GRM1: variants seen among roughly 807,000 people sequenced by gnomAD.
GRM1 encodes glutamate metabotropic receptor 1.
GRM1 carries 33 observed loss-of-function variants against 90.9 expected under a neutral mutation model. That is an observed-to-expected ratio of 0.36 (90% CI 0.28 to 0.49). GRM1 has a LOEUF of 0.49. Among genes scored for constraint, GRM1 ranks in the 20% least tolerant of loss-of-function variants. The pLI, the probability that GRM1 is intolerant of heterozygous loss-of-function variation, is 0.99. For missense variants in GRM1, 1,190 were observed against 1,534.3 expected (o/e 0.78, Z 3.75); for synonymous variants, 700 against 613.2 (o/e 1.14, Z -2.09).
intron 7 of GRM1, among the ~76,000 whole-genome samples, chr6:146,429,327 G>A (rs573914634): frequency 6.6e-6 from 1 of 152,304 alleles, no homozygotes; most frequent in African/African-American, 2.4e-5. Flanking sequence ...TCAAAAAGGC[G>A]AGAAATTGTA....
intron 1 of GRM1, among the ~76,000 whole-genome samples, chr6:146,104,659 T>C (rs1012022947): frequency 6.6e-6 from 1 of 152,182 alleles, no homozygotes; most frequent in Non-Finnish European, 1.5e-5. Flanking sequence ...TCAACACTGT[T>C]ACATGCTCTA....
At chr6:146,060,617 A>G (rs565289524) in intron 1 of GRM1, among the ~76,000 whole-genome samples, 1 of 152,180 alleles carries the variant, frequency 6.6e-6, no homozygotes, top group Non-Finnish European at 1.5e-5. Context: ...TCCATGATGT[A>G]TATGTAACAC....
At chr6:146,394,244 C>G (rs1172624642) in intron 6 of GRM1, among the ~76,000 whole-genome samples, 1 of 152,048 alleles carries the variant, frequency 6.6e-6, no homozygotes, top group Non-Finnish European at 1.5e-5. Context: ...TGTCCACCAA[C>G]AGTAGCTTAA....
chr6:146,340,899 GT>G (rs1784951401), intron 3 of GRM1, among the ~76,000 whole-genome samples: 1 of 152,142 alleles, frequency 6.6e-6, no homozygotes, highest in Non-Finnish European at 1.5e-5. Context: ...TATTGAGAAG[GT>G]TGCCTCTTTC....
At chr6:146,254,592 C>T (rs1583227738) in intron 2 of GRM1, among the ~76,000 whole-genome samples, 2 of 152,186 alleles carry the variant, frequency 1.3e-5, no homozygotes, top group Non-Finnish European at 2.9e-5. Flanking sequence ...TCTTTATAAC[C>T]AAGAAAGATG....
intron 2 of GRM1, among the ~76,000 whole-genome samples, chr6:146,242,734 A>C (rs1379882778): frequency 6.6e-6 from 1 of 152,072 alleles, no homozygotes. Context: ...TCTATATTGC[A>C]AGCTCTTTGT....
At chr6:146,258,909 T>C (rs9485067) in intron 2 of GRM1, among the ~76,000 whole-genome samples, 146 of 152,286 alleles carry the variant, frequency 9.6e-4, no homozygotes, top group African/African-American at 3.4e-3. Context: ...TCTTGTTCAA[T>C]GCATTGAAAT....
At chr6:146,392,103 A>G (rs894892236) in intron 6 of GRM1, among the ~76,000 whole-genome samples, 1 of 152,158 alleles carries the variant, frequency 6.6e-6, no homozygotes, top group African/African-American at 2.4e-5. Context: ...TACGATATGC[A>G]GTTTAAAGTT....
chr6:146,386,264 A>G (rs1583423399), intron 5 of GRM1, among the ~76,000 whole-genome samples: 1 of 152,238 alleles, frequency 6.6e-6, no homozygotes, highest in East Asian at 1.9e-4. Flanking sequence ...TCAGATATTA[A>G]GCAGCTCTCC....
intron 2 of GRM1, among the ~76,000 whole-genome samples, chr6:146,208,438 C>A (rs775160502): frequency 2.6e-5 from 4 of 152,036 alleles, no homozygotes; most frequent in Non-Finnish European, 4.4e-5. Flanking sequence ...AATTTTAAGT[C>A]ATTCTTAAAC....
chr6:146,048,340 G>A (rs980273681), intron 1 of GRM1, among the ~76,000 whole-genome samples: 1 of 152,024 alleles, frequency 6.6e-6, no homozygotes, highest in African/African-American at 2.4e-5. Flanking sequence ...TTTAGGAAGA[G>A]ATGCATGTTC....
At chr6:146,343,323 A>T (rs1329060223) in intron 3 of GRM1, among the ~76,000 whole-genome samples, 4 of 152,084 alleles carry the variant, frequency 2.6e-5, no homozygotes, top group Admixed American at 6.6e-5. Context: ...ATGGCTTTTT[A>T]AAAAAATGCT....
intron 2 of GRM1, among the ~76,000 whole-genome samples, chr6:146,248,330 C>T (rs1486145077): frequency 6.6e-6 from 1 of 152,080 alleles, no homozygotes; most frequent in African/African-American, 2.4e-5. Context: ...GCTCTGTGTC[C>T]CACCCAAACC....
chr6:146,110,110 G>A (rs535378855), intron 1 of GRM1, among the ~76,000 whole-genome samples: 15 of 152,236 alleles, frequency 9.9e-5, no homozygotes, highest in East Asian at 7.7e-4. Context: ...GACTTTGGGC[G>A]GCTGTTGGGA....
intron 1 of GRM1, among the ~76,000 whole-genome samples, chr6:146,091,061 A>G (rs936028287): frequency 6.6e-6 from 1 of 152,088 alleles, no homozygotes; most frequent in Non-Finnish European, 1.5e-5. Flanking sequence ...TGCTCCCCCA[A>G]CCTGTGAATC....
At chr6:146,343,993 T>C (rs1051692340) in intron 3 of GRM1, among the ~76,000 whole-genome samples, 11 of 152,190 alleles carry the variant, frequency 7.2e-5, no homozygotes, top group Admixed American at 1.3e-4. Context: ...GCTAGGTATA[T>C]ACGTATGCCA....
rs1453662011 is a variant in GRM1, at chr6:146,159,605, TC to T, written c.950+9del. On this transcript the variant is annotated intron_variant, in intron 2 of 7. Coordinates refer to ENST00000282753, the MANE Select transcript of GRM1 (RefSeq NM_001278064.2). ...GTTCTCACTCATTGGAAGGTAAGTT[TC>T]TCTCTCTCTCTCTCTCTCTCTCTCT... 4 of 58,102 alleles carry T rather than the reference TC, an allele frequency of 6.9e-5. No individual in the cohort carries two copies. The highest frequency in any genetic ancestry group is 0.012 in the Middle Eastern group (2 of 170). The allele number at this position is 58,102 out of a possible 1,614,324, so 3.6% of individuals were successfully genotyped here. A position where few individuals can be genotyped will look rare whatever the true frequency, so the allele number is the denominator to read the frequency against.
chr6:146,074,736 G>T (rs1776127507), intron 1 of GRM1, among the ~76,000 whole-genome samples: 1 of 152,152 alleles, frequency 6.6e-6, no homozygotes, highest in South Asian at 2.1e-4. Context: ...TGGACTTTTT[G>T]TAACAACAAT....
chr6:146,057,280 T>C (rs950991308), intron 1 of GRM1, among the ~76,000 whole-genome samples: 5 of 152,166 alleles, frequency 3.3e-5, no homozygotes, highest in Non-Finnish European at 7.4e-5. Flanking sequence ...AATGTAGAAC[T>C]TCAGATGCTT....
Sources: allele counts gnomAD v4.1 joint callset (sites outside exome capture counted in the v4.1 genomes callset), GRCh38; gene constraint gnomAD v4.1.1; transcripts MANE v1.5; gene names NCBI Gene and HGNC (gene_info 2026-07-23, HGNC 2026-07-21).